The following ARHGAP24 variants were observed in gnomAD, a reference collection of about 807,000 sequenced individuals.
The protein encoded by ARHGAP24 is Rho GTPase activating protein 24.
ARHGAP24 carries 50 observed loss-of-function variants against 76.4 expected under a neutral mutation model. The ratio of observed to expected loss-of-function variants is 0.65; its 90% CI spans 0.52 to 0.83. ARHGAP24 has a LOEUF of 0.83. Among genes scored for constraint, ARHGAP24 ranks in the 40% least tolerant of loss-of-function variants. ARHGAP24 has a pLI of 0.00. For synonymous variants in ARHGAP24, 345 were observed against 323.3 expected, an observed-to-expected ratio of 1.07 and a Z score of -0.72; for missense variants, 930 against 914.2, an observed-to-expected ratio of 1.02 and a Z score of -0.22.
chr4:85,836,387 T>C (rs1730293187), intron 3 of ARHGAP24, among the ~76,000 whole-genome samples: 1 of 152,228 alleles, frequency 6.6e-6, no homozygotes, highest in Non-Finnish European at 1.5e-5. Context: ...AGCAGGTTGA[T>C]GCTGCCTCTG....
chr4:85,898,953 G>A (rs537175812), intron 3 of ARHGAP24, among the ~76,000 whole-genome samples: 5 of 151,956 alleles, frequency 3.3e-5, no homozygotes, highest in East Asian at 1.9e-4. Flanking sequence ...CATGTTGGCC[G>A]GGCTAGTCTC....
intron 2 of ARHGAP24, among the ~76,000 whole-genome samples, chr4:85,701,546 A>AT (rs1212552511): frequency 6.6e-6 from 1 of 152,168 alleles, no homozygotes; most frequent in Non-Finnish European, 1.5e-5. Context: ...GATGGCAATT[A>AT]TTTTACAGTG....
At chr4:85,597,374 A>C (rs1275869626) in intron 2 of ARHGAP24, among the ~76,000 whole-genome samples, 1 of 152,092 alleles carries the variant, frequency 6.6e-6, no homozygotes, top group South Asian at 2.1e-4. Context: ...ACTTCGAGTT[A>C]TGTGGTTACT....
At chr4:85,544,082 C>G (rs1725812145) in intron 1 of ARHGAP24, among the ~76,000 whole-genome samples, 1 of 152,182 alleles carries the variant, frequency 6.6e-6, no homozygotes, top group Admixed American at 6.5e-5. Flanking sequence ...CCTTTTGCCT[C>G]TCATCTAAAT....
intron 1 of ARHGAP24, among the ~76,000 whole-genome samples, chr4:85,555,948 T>G (rs1241464702): frequency 6.6e-6 from 1 of 151,820 alleles, no homozygotes; most frequent in East Asian, 1.9e-4. Flanking sequence ...TCACTGAGAG[T>G]CTTTGCTCCT....
intron 3 of ARHGAP24, among the ~76,000 whole-genome samples, chr4:85,842,878 G>A (rs1730684805): frequency 6.6e-6 from 1 of 152,128 alleles, no homozygotes; most frequent in Admixed American, 6.5e-5. Flanking sequence ...TTTGATGGTG[G>A]GGTGGTATCA....
chr4:85,658,411 A>T (rs1301655830), intron 2 of ARHGAP24, among the ~76,000 whole-genome samples: 1 of 152,206 alleles, frequency 6.6e-6, no homozygotes, highest in Non-Finnish European at 1.5e-5. Flanking sequence ...CTTTTGCTTA[A>T]AAAATTGCTC....
intron 1 of ARHGAP24, among the ~76,000 whole-genome samples, chr4:85,564,414 G>T (rs551035275): frequency 1.3e-3 from 188 of 148,818 alleles, no homozygotes; most frequent in Non-Finnish European, 1.9e-3. Context: ...GAGCGGGGGG[G>T]ATAGCATTAG....
At chr4:85,636,584 T>G (rs1721315666) in intron 2 of ARHGAP24, among the ~76,000 whole-genome samples, 1 of 151,648 alleles carries the variant, frequency 6.6e-6, no homozygotes, top group Non-Finnish European at 1.5e-5. Flanking sequence ...ACACACACAC[T>G]CAGTGCTAGC....
At chr4:85,478,226 GC>G in intron 1 of ARHGAP24, among the ~76,000 whole-genome samples, 1 of 152,276 alleles carries the variant, frequency 6.6e-6, no homozygotes, top group East Asian at 1.9e-4. Context: ...TAAAGCCATG[GC>G]TAAAGGACTA....
intron 5 of ARHGAP24, among the ~76,000 whole-genome samples, chr4:85,966,735 C>T (rs1230561733): frequency 3.3e-5 from 5 of 152,056 alleles, no homozygotes; most frequent in Admixed American, 2.6e-4. Context: ...GTCTCATGTA[C>T]GTTCTCCCTG....
intron 8 of ARHGAP24, among the ~76,000 whole-genome samples, chr4:85,987,458 A>T (rs1740069669): frequency 6.6e-6 from 1 of 152,110 alleles, no homozygotes; most frequent in Admixed American, 6.6e-5. Flanking sequence ...GAATCATAAA[A>T]ATATGAGCTG....
chr4:85,821,484 C>T (rs1729468967), intron 3 of ARHGAP24, among the ~76,000 whole-genome samples: 1 of 152,188 alleles, frequency 6.6e-6, no homozygotes, highest in African/African-American at 2.4e-5. Flanking sequence ...AGTAATCTCC[C>T]TGCCTCAGTC....
intron 3 of ARHGAP24, among the ~76,000 whole-genome samples, chr4:85,915,506 G>T (rs1397027499): frequency 1.3e-5 from 2 of 152,136 alleles, no homozygotes; most frequent in African/African-American, 4.8e-5. Context: ...GTGCCATGGT[G>T]GTTTGCCGCA....
chr4:85,972,553 T>C (rs575449466), intron 6 of ARHGAP24, among the ~76,000 whole-genome samples: 437 of 152,298 alleles, frequency 2.9e-3, no homozygotes, highest in Admixed American at 5.6e-3. Flanking sequence ...CTGCTATTTC[T>C]TTAAACAGCT....
chr4:85,658,414 A>G (rs538606073), intron 2 of ARHGAP24, among the ~76,000 whole-genome samples: 1 of 152,304 alleles, frequency 6.6e-6, no homozygotes, highest in South Asian at 2.1e-4. Flanking sequence ...TTGCTTAAAA[A>G]ATTGCTCTAG....
At chr4:85,667,328 C>A (rs929595240) in intron 2 of ARHGAP24, among the ~76,000 whole-genome samples, 1 of 152,120 alleles carries the variant, frequency 6.6e-6, no homozygotes, top group East Asian at 1.9e-4. Context: ...TCTCCTGGTG[C>A]GCCATTTTTT....
intron 2 of ARHGAP24, among the ~76,000 whole-genome samples, chr4:85,687,727 GTTTT>G (rs200707372): frequency 6.6e-6 from 1 of 150,788 alleles, no homozygotes; most frequent in Non-Finnish European, 1.5e-5. Context: ...CAATTGCATG[GTTTT>G]TTTTTCTTTT....
chr4:85,897,163 T>A (rs963518296), intron 3 of ARHGAP24, among the ~76,000 whole-genome samples: 1 of 152,138 alleles, frequency 6.6e-6, no homozygotes, highest in Non-Finnish European at 1.5e-5. Flanking sequence ...TGAAAGGCTA[T>A]AAAATGATGC....
Sources: gnomAD v4.1 joint callset for allele counts (sites outside exome capture counted in the v4.1 genomes callset) on GRCh38, gnomAD v4.1.1 for gene constraint, MANE v1.5 for transcripts, NCBI Gene and HGNC (gene_info 2026-07-23, HGNC 2026-07-21) for gene names.